The following SPAG16 variants were observed in gnomAD, a reference collection of about 807,000 sequenced individuals.
The protein encoded by SPAG16 is sperm-associated antigen 16 protein.
SPAG16 carries 86 observed loss-of-function variants against 80.4 expected under a neutral mutation model. That is an observed-to-expected ratio of 1.07 (90% confidence interval 0.90 to 1.28). The LOEUF is 1.28. SPAG16 is among the 50% of genes most tolerant of loss of function. The pLI, the probability that SPAG16 is intolerant of heterozygous loss-of-function variation, is 0.00. For missense variants in SPAG16, 870 were observed against 765.3 expected (o/e 1.14, Z -1.61); for synonymous variants, 294 against 265.9 (o/e 1.11, Z -1.03).
At chr2:213,648,388 G>A (rs1262269239) in intron 10 of SPAG16, among the ~76,000 whole-genome samples, 2 of 152,080 alleles carry the variant, frequency 1.3e-5, no homozygotes, top group African/African-American at 4.8e-5. Flanking sequence ...TATTCATTGG[G>A]TTCCATCTGC....
chr2:213,558,140 T>C (rs1174426521), intron 10 of SPAG16, among the ~76,000 whole-genome samples: 1 of 152,178 alleles, frequency 6.6e-6, no homozygotes, highest in Non-Finnish European at 1.5e-5. Context: ...TATTAGTGCT[T>C]GAATGAATGT....
At chr2:213,631,679 A>G (rs1202884399) in intron 10 of SPAG16, among the ~76,000 whole-genome samples, 1 of 152,058 alleles carries the variant, frequency 6.6e-6, no homozygotes, top group Non-Finnish European at 1.5e-5. Flanking sequence ...AAGATAGGGG[A>G]CTAGTTTGAT....
intron 15 of SPAG16, among the ~76,000 whole-genome samples, chr2:214,299,132 A>T (rs945400511): frequency 6.6e-6 from 1 of 152,152 alleles, no homozygotes; most frequent in African/African-American, 2.4e-5. Flanking sequence ...GTGTAGTAAG[A>T]AATGTTATAG....
intron 8 of SPAG16, chr2:213,365,017 A>G (rs2066203306): frequency 6.6e-6 from 1 of 152,204 alleles, no homozygotes; most frequent in African/African-American, 2.4e-5. Context: ...TAGGGCCTTG[A>G]GAAACATTTA....
At chr2:213,436,385 G>A (rs1054037139) in intron 9 of SPAG16, among the ~76,000 whole-genome samples, 4 of 152,092 alleles carry the variant, frequency 2.6e-5, no homozygotes, top group Non-Finnish European at 5.9e-5. Flanking sequence ...CAAGCAATGG[G>A]GATTTGGGGG....
chr2:213,973,100 T>G (rs1426231739), intron 12 of SPAG16, among the ~76,000 whole-genome samples: 1 of 152,224 alleles, frequency 6.6e-6, no homozygotes, highest in African/African-American at 2.4e-5. Flanking sequence ...ACTTCCTACT[T>G]GTGCTGAGTG....
intron 13 of SPAG16, among the ~76,000 whole-genome samples, chr2:214,015,461 G>T (rs914251591): frequency 6.6e-6 from 1 of 152,020 alleles, no homozygotes; most frequent in South Asian, 2.1e-4. Flanking sequence ...GGCTGGGTGC[G>T]GTGGTGCATG....
At chr2:213,377,201 G>A (rs989946750) in intron 9 of SPAG16, among the ~76,000 whole-genome samples, 1 of 152,168 alleles carries the variant, frequency 6.6e-6, no homozygotes, top group African/African-American at 2.4e-5. Context: ...ATGTCTTAGA[G>A]GATAGCAATA....
intron 11 of SPAG16, among the ~76,000 whole-genome samples, chr2:213,913,403 C>T (rs556321719): frequency 2.0e-5 from 3 of 152,104 alleles, no homozygotes; most frequent in South Asian, 2.1e-4. Flanking sequence ...TTCTCTAGGG[C>T]ATCAGTTCTC....
At chr2:213,986,463 ATTATGT>A (rs775169223) in intron 12 of SPAG16, among the ~76,000 whole-genome samples, 3 of 151,974 alleles carry the variant, frequency 2.0e-5, no homozygotes, top group Non-Finnish European at 4.4e-5. Flanking sequence ...TGTATTTTAG[ATTATGT>A]TTATGTTTAT....
At chr2:213,362,188 G>T (rs1433045094) in intron 7 of SPAG16, among the ~76,000 whole-genome samples, 1 of 152,172 alleles carries the variant, frequency 6.6e-6, no homozygotes, top group African/African-American at 2.4e-5. Flanking sequence ...AGAGCTTCCA[G>T]TGATCAAACC....
At chr2:213,652,392 A>G (rs772241490) in intron 10 of SPAG16, among the ~76,000 whole-genome samples, 2 of 152,140 alleles carry the variant, frequency 1.3e-5, no homozygotes, top group Non-Finnish European at 2.9e-5. Flanking sequence ...CATATGGATC[A>G]AGCTCTCCTA....
chr2:214,350,953 A>G (rs16851849), intron 15 of SPAG16, among the ~76,000 whole-genome samples: 1 of 152,020 alleles, frequency 6.6e-6, no homozygotes, highest in Non-Finnish European at 1.5e-5. Context: ...GCAACTTGGA[A>G]TAAGAAAAGA....
chr2:213,497,637 A>G (rs1414426873), intron 10 of SPAG16, among the ~76,000 whole-genome samples: 1 of 152,070 alleles, frequency 6.6e-6, no homozygotes, highest in African/African-American at 2.4e-5. Flanking sequence ...TAATAACCAC[A>G]GTGACCTATA....
chr2:213,628,685 C>T (rs926499969), intron 10 of SPAG16, among the ~76,000 whole-genome samples: 1 of 152,252 alleles, frequency 6.6e-6, no homozygotes, highest in East Asian at 1.9e-4. Context: ...CTTTAACTAG[C>T]CTTAATTATT....
At chr2:214,184,934 T>A (rs1016600849) in intron 15 of SPAG16, among the ~76,000 whole-genome samples, 2 of 152,110 alleles carry the variant, frequency 1.3e-5, no homozygotes, top group Non-Finnish European at 2.9e-5. Context: ...ATTTTGTCTT[T>A]AAAAATTTTT....
intron 13 of SPAG16, among the ~76,000 whole-genome samples, chr2:214,041,356 T>G (rs1325021869): frequency 6.6e-6 from 1 of 152,000 alleles, no homozygotes; most frequent in Non-Finnish European, 1.5e-5. Flanking sequence ...ATTGTTTATA[T>G]TCTCATTCTC....
At position 213,344,648 on chromosome 2, in the gene SPAG16, C is replaced by T. The variant is rs574865764; in HGVS notation, c.644+4378C>T. Among the ~76,000 whole-genome samples, 5 of 151,442 alleles carry T rather than the reference C, an allele frequency of 3.3e-5. No homozygotes were observed. In the South Asian group the frequency reaches 1.0e-3, roughly 32 times the overall value. ...TGCGGTGTTTGGTTTTTTGTCCTTG[C>T]AATAGTTTGCTGAGAATGATGGTTT... On this transcript the variant is annotated intron_variant, in intron 6 of 15. Coordinates refer to ENST00000331683, the MANE Select transcript of SPAG16 (RefSeq NM_024532.5).
At chr2:214,212,611 A>G (rs2058324841) in intron 15 of SPAG16, among the ~76,000 whole-genome samples, 1 of 152,152 alleles carries the variant, frequency 6.6e-6, no homozygotes, top group Non-Finnish European at 1.5e-5. Context: ...TTGATTGGAT[A>G]AAGTCAGGCT....
Sources: gnomAD v4.1 joint callset for allele counts (sites outside exome capture counted in the v4.1 genomes callset) on GRCh38, gnomAD v4.1.1 for gene constraint, MANE v1.5 for transcripts, NCBI Gene and HGNC (gene_info 2026-07-23, HGNC 2026-07-21) for gene names.